MCC: variants seen among roughly 807,000 people sequenced by gnomAD.
MCC encodes the protein colorectal mutant cancer protein.
Under a neutral mutation model 116.2 loss-of-function variants are expected in MCC, and 90 were observed. That is an observed-to-expected ratio of 0.77 (90% CI 0.65 to 0.92). MCC has a LOEUF of 0.92. MCC is among the 40% of genes least tolerant of loss of function. MCC has a pLI of 0.00. For missense variants in MCC, 1,516 were observed against 1,312.2 expected, an observed-to-expected ratio of 1.16 and a Z score of -2.40; for synonymous variants, 578 against 510.5, an observed-to-expected ratio of 1.13 and a Z score of -1.78.
At chr5:113,103,770 C>G (rs1756569753) in intron 7 of MCC, among the ~76,000 whole-genome samples, 1 of 152,158 alleles carries the variant, frequency 6.6e-6, no homozygotes, top group South Asian at 2.1e-4. Flanking sequence ...GCAACAAATT[C>G]CTGTCACCAT....
At chr5:113,087,518 T>A (rs1000278957) in intron 8 of MCC, among the ~76,000 whole-genome samples, 4 of 152,222 alleles carry the variant, frequency 2.6e-5, no homozygotes, top group Non-Finnish European at 4.4e-5. Flanking sequence ...TACCTCATTA[T>A]GCCACAAAGA....
intron 3 of MCC, among the ~76,000 whole-genome samples, chr5:113,194,264 T>C (rs759193069): frequency 6.6e-6 from 1 of 152,220 alleles, no homozygotes; most frequent in Non-Finnish European, 1.5e-5. Context: ...ATCCAGGGCT[T>C]GTACAATACT....
At chr5:113,264,919 G>A (rs1400586543) in intron 3 of MCC, among the ~76,000 whole-genome samples, 1 of 152,138 alleles carries the variant, frequency 6.6e-6, no homozygotes, top group Non-Finnish European at 1.5e-5. Context: ...GCACATGCCT[G>A]TAGTCCCAGC....
At chr5:113,248,485 C>G (rs1764658101) in intron 3 of MCC, among the ~76,000 whole-genome samples, 1 of 151,998 alleles carries the variant, frequency 6.6e-6, no homozygotes, top group Non-Finnish European at 1.5e-5. Context: ...GATGAGCATC[C>G]CAACTTTGAA....
Position 113,063,988 on chromosome 5 carries a change from T to C in MCC, c.2209A>G (p.Thr737Ala). The C allele has an allele frequency of 2.5e-6, 4 of 1,611,898 alleles. No homozygotes were observed. The highest frequency in any genetic ancestry group is 2.2e-5 in the East Asian group (1 of 44,868). The stretch of plus-strand genomic sequence containing the variant: ...GAGCAGAAGGCTGAGCATTACCTGG[T>C]GTGGCTGTTGGAGGAAAGGCTCTCC... ...PWESLSSNSH[T>A]STTSSTASSC... Residue 737 changes from threonine to alanine, a missense_variant, in exon 14 of 19, where the codon ACC (threonine) becomes GCC (alanine). Thr to Ala is a moderately conservative substitution (Grantham distance 58). Coordinates refer to ENST00000408903, the MANE Select transcript of MCC (RefSeq NM_001085377.2).
chr5:113,092,011 C>T (rs985141008), intron 8 of MCC, among the ~76,000 whole-genome samples: 32 of 152,150 alleles, frequency 2.1e-4, no homozygotes, highest in African/African-American at 7.7e-4. Flanking sequence ...TTGCCAACAC[C>T]TTCAACAGGG....
chr5:113,376,168 C>A (rs1768975647), intron 2 of MCC, among the ~76,000 whole-genome samples: 1 of 152,182 alleles, frequency 6.6e-6, no homozygotes. Context: ...CAGATCCAAG[C>A]ACACATTTCT....
intron 3 of MCC, among the ~76,000 whole-genome samples, chr5:113,271,285 C>A (rs1340342981): frequency 2.0e-5 from 3 of 152,146 alleles, no homozygotes; most frequent in Admixed American, 2.0e-4. Flanking sequence ...TCTCTTCTAC[C>A]ACCTACCTAG....
At chr5:113,367,225 A>G (rs1299340389) in intron 2 of MCC, among the ~76,000 whole-genome samples, 3 of 152,188 alleles carry the variant, frequency 2.0e-5, no homozygotes, top group Non-Finnish European at 2.9e-5. Context: ...TAATGAAAAT[A>G]CATATTTACA....
At chr5:113,224,072 G>A (rs1469333570) in intron 3 of MCC, among the ~76,000 whole-genome samples, 2 of 152,048 alleles carry the variant, frequency 1.3e-5, no homozygotes, top group Non-Finnish European at 2.9e-5. Flanking sequence ...GGAGGAGTAG[G>A]TATTGTTATA....
At chr5:113,214,185 T>TG (rs1763229329) in intron 3 of MCC, among the ~76,000 whole-genome samples, 1 of 152,212 alleles carries the variant, frequency 6.6e-6, no homozygotes, top group Non-Finnish European at 1.5e-5. Flanking sequence ...AAAAGCATCC[T>TG]GGGCTACGGC....
chr5:113,045,305 C>A (rs766819257), intron 16 of MCC, among the ~76,000 whole-genome samples: 1 of 152,036 alleles, frequency 6.6e-6, no homozygotes, highest in Non-Finnish European at 1.5e-5. Flanking sequence ...TGGAGGGAAG[C>A]TTTTTAAAGA....
chr5:113,455,557 T>C (rs1771519862), intron 1 of MCC, among the ~76,000 whole-genome samples: 1 of 152,226 alleles, frequency 6.6e-6, no homozygotes, highest in Non-Finnish European at 1.5e-5. Context: ...AGATGGGACA[T>C]ACAAGTCTAA....
At chr5:113,049,407 A>G (rs1752343140) in intron 15 of MCC, 108 bp from the exon 16 acceptor site, 7 of 850,854 alleles carry the variant, frequency 8.2e-6, no homozygotes, top group Non-Finnish European at 1.1e-5. Flanking sequence ...CCACAGGCCC[A>G]TGGTAGAGTT....
chr5:113,341,932 C>A (rs528171288), intron 2 of MCC, among the ~76,000 whole-genome samples: 11 of 152,206 alleles, frequency 7.2e-5, no homozygotes, highest in African/African-American at 2.6e-4. Flanking sequence ...CTTTGGTGCA[C>A]CCATCACCCG....
chr5:113,378,767 G>A (rs1300164264), intron 2 of MCC, among the ~76,000 whole-genome samples: 1 of 152,166 alleles, frequency 6.6e-6, no homozygotes, highest in East Asian at 1.9e-4. Flanking sequence ...TGGAATCCAT[G>A]TGTAAGGTTT....
chr5:113,446,937 T>C lies in MCC; in HGVS notation c.170+41308A>G, dbSNP rs187222856. ...GTAACAAACCTGCACATGTACCCCC[T>C]GAATCTAAAATAAAAGTTAAAATTA... On this transcript the variant is annotated intron_variant, in intron 1 of 18. Transcript: ENST00000408903. Among the ~76,000 whole-genome samples, 102 of 152,240 alleles carry C rather than the reference T, an allele frequency of 6.7e-4. 1 individual carries two copies. The East Asian group carries it at 0.016, about 24-fold the overall frequency.
chr5:113,069,865 C>A (rs566368165), intron 12 of MCC, among the ~76,000 whole-genome samples: 38 of 152,332 alleles, frequency 2.5e-4, no homozygotes, highest in Admixed American at 2.2e-3. Flanking sequence ...GGATTCCAGG[C>A]GTGAGCCACC....
intron 3 of MCC, among the ~76,000 whole-genome samples, chr5:113,163,257 C>T (rs1469943095): frequency 6.6e-6 from 1 of 152,114 alleles, no homozygotes; most frequent in African/African-American, 2.4e-5. Flanking sequence ...TTATTGTAAG[C>T]AAGGACACAC....
Sources: gnomAD v4.1 joint callset for allele counts (sites outside exome capture counted in the v4.1 genomes callset) on GRCh38, gnomAD v4.1.1 for gene constraint, MANE v1.5 for transcripts, NCBI Gene and HGNC (gene_info 2026-07-23, HGNC 2026-07-21) for gene names.